Variants in BIN2 observed in about 807,000 individuals in gnomAD.
The protein encoded by BIN2 is breast cancer associated protein BRAP1.
In BIN2, 43 loss-of-function variants were observed where a neutral mutation model predicts 67.9. That is an observed-to-expected ratio of 0.63 (90% CI 0.50 to 0.82). The LOEUF is 0.82. BIN2 is among the 40% of genes least tolerant of loss of function. The pLI is 0.00. For missense variants in BIN2, 581 were observed against 671.6 expected (o/e 0.87, Z 1.49); for synonymous variants, 244 against 246.8 (o/e 0.99, Z 0.11).
chr12:51,291,530 G>A (rs1945378418), intron 10 of BIN2, 61 bp downstream of exon 10: 1 of 1,483,144 alleles, frequency 6.7e-7, no homozygotes, highest in African/African-American at 1.4e-5. Flanking sequence ...ACGCCTGAGT[G>A]AGACCCTAGC....
intron 9 of BIN2, among the ~76,000 whole-genome samples, chr12:51,292,984 T>C (rs1945430233): frequency 6.6e-6 from 1 of 152,162 alleles, no homozygotes. Flanking sequence ...CATTCAGGCA[T>C]GAGTTACAAT....
At chr12:51,299,787 A>T in intron 5 of BIN2, 73 bp from the exon 6 acceptor site, 1 of 1,252,362 alleles carries the variant, frequency 8.0e-7, no homozygotes, top group Non-Finnish European at 1.2e-6. Context: ...CAGAATACCA[A>T]ACAGAGAGCA....
At position 51,284,734 on chromosome 12, in the gene BIN2, T is replaced by G; in HGVS notation, c.1650A>C (p.Ala550=). ...SMVPENNNLT[A]PEPQEEVSTS... is the part of the protein sequence containing the mutation. ...GTCTTACCTCTTCTTGAGGTTCAGG[T>G]GCTGTGAGGTTGTTGTTTTCTGGTA... Residue 550 remains alanine (A), a synonymous_variant, in exon 12 of 13, where the codon GCA becomes GCC. Coordinates refer to ENST00000615107, the MANE Select transcript of BIN2 (RefSeq NM_016293.4). The G allele has an allele frequency of 6.2e-7, 1 of 1,612,574 alleles. No homozygotes were observed. Among genetic ancestry groups the G allele is most frequent in the Non-Finnish European group, 8.5e-7 (1 of 1,178,664 alleles).
intron 5 of BIN2, among the ~76,000 whole-genome samples, chr12:51,301,237 C>T (rs1318770139): frequency 6.6e-6 from 1 of 151,502 alleles, no homozygotes; most frequent in Admixed American, 6.6e-5. Context: ...AAAACAAAAA[C>T]AAAAACAAAA....
rs1592262319 is a variant in BIN2 at position 51,297,192 on chromosome 12, T to G, written c.603-28A>C. The G allele has an allele frequency of 3.1e-6, 5 of 1,588,170 alleles. No individual in the cohort carries two copies. In the East Asian group the frequency reaches 1.1e-4, roughly 35 times the overall value. ...ATTAGGAAGCAAAACCACAAACACA[T>G]ACGAGTAAGGCATGGGAAAGGAGTT... On this transcript the variant is annotated intron_variant, in intron 7 of 12. Coordinates refer to ENST00000615107, the MANE Select transcript of BIN2 (RefSeq NM_016293.4).
chr12:51,322,644 C>T (rs1323720121), intron 1 of BIN2: 1 of 151,894 alleles, frequency 6.6e-6, no homozygotes, highest in African/African-American at 2.4e-5. Context: ...GCCTTCTCTC[C>T]AGTACCTCCT....
At chr12:51,283,322 C>T (rs1945160478) in intron 12 of BIN2, among the ~76,000 whole-genome samples, 1 of 151,168 alleles carries the variant, frequency 6.6e-6, no homozygotes, top group Non-Finnish European at 1.5e-5. Context: ...TGTAAAACAG[C>T]CTCAAGTAGA....
chr12:51,288,133 T>C lies in BIN2; in HGVS notation c.1571A>G (p.Lys524Arg), dbSNP rs1213974652. The change falls in exon 11 of 13, where the codon AAG becomes AGG. Residue 524 changes from lysine to arginine, a missense_variant. By Grantham distance (26) the Lys-to-Arg change is conservative (BLOSUM62 2). Transcript: ENST00000615107. ...CTCCGAGGAGTTAGCTGAGATAAGC[T>C]TATTATCCTTTTCCTTGTCTTCCAT... The part of the protein sequence containing the change: ...KKMEDKEKDN[K>R]LISANSSEGQ... The C allele has an allele frequency of 6.2e-7, 1 of 1,613,886 alleles. No homozygotes were observed. The highest frequency in any genetic ancestry group is 1.7e-5 in the Admixed American group (1 of 60,014).
chr12:51,303,034 C>T (rs576677906), intron 3 of BIN2, 53 bp downstream of exon 3: 2 of 1,582,726 alleles, frequency 1.3e-6, no homozygotes, highest in Non-Finnish European at 1.7e-6. Context: ...CACCCCAAAC[C>T]TCCTAGTAGC....
At chr12:51,290,811 T>C (rs1044471109) in intron 10 of BIN2, among the ~76,000 whole-genome samples, 1 of 152,122 alleles carries the variant, frequency 6.6e-6, no homozygotes, top group Non-Finnish European at 1.5e-5. Context: ...CCGGCACCCG[T>C]AGTCCCAGCT....
chr12:51,289,967 T>C (rs973540758), intron 10 of BIN2, among the ~76,000 whole-genome samples: 1 of 151,994 alleles, frequency 6.6e-6, no homozygotes, highest in Non-Finnish European at 1.5e-5. Context: ...CTATTTACCA[T>C]AGTCACAGGT....
chr12:51,310,685 A>G (rs143363594), intron 2 of BIN2, among the ~76,000 whole-genome samples: 1 of 152,334 alleles, frequency 6.6e-6, no homozygotes, highest in African/African-American at 2.4e-5. Context: ...TACATAGCAA[A>G]GTAATTGTAA....
intron 2 of BIN2, among the ~76,000 whole-genome samples, chr12:51,309,635 C>T (rs1490514812): frequency 2.6e-5 from 4 of 152,108 alleles, no homozygotes; most frequent in Non-Finnish European, 5.9e-5. Flanking sequence ...TTCAGCCTCC[C>T]AAAGTGTTGG....
At chr12:51,283,716 CG>C (rs1945170900) in intron 12 of BIN2, among the ~76,000 whole-genome samples, 1 of 151,754 alleles carries the variant, frequency 6.6e-6, no homozygotes. Flanking sequence ...ATTTTTTGGC[CG>C]GGTGTGGTGG....
intron 3 of BIN2, 75 bp downstream of exon 3, chr12:51,303,012 G>T: frequency 6.7e-7 from 1 of 1,497,890 alleles, no homozygotes; most frequent in Non-Finnish European, 9.3e-7. Flanking sequence ...TGGGGGTATG[G>T]CTATTGTTTT....
At position 51,302,697 on chromosome 12, in the gene BIN2, C is replaced by T; in HGVS notation, c.301G>A (p.Ala101Thr). Reference protein sequence around the residue: ...SEWDGHEELKAIVWNNDLLWE... With the variant: ...SEWDGHEELKTIVWNNDLLWE... ...CAAGCCACTCTTACCCATACGATGG[C>T]CTTCAGCTCCTCATGACCGTCCCAC... is the stretch of plus-strand genomic sequence containing the variant. The change falls in exon 4 of 13, where the codon GCC (alanine) becomes ACC (threonine). Residue 101 changes from alanine (A) to threonine (T), a missense_variant. Transcript: ENST00000615107. 2.5e-6 allele frequency: 4 copies of T among 1,613,826 alleles called. No homozygotes were observed. Among genetic ancestry groups the T allele is most frequent in the South Asian group, 1.1e-5 (1 of 91,074 alleles).
intron 1 of BIN2, chr12:51,322,595 TTGTC>T (rs1020267949): frequency 3.2e-5 from 4 of 123,848 alleles, no homozygotes; most frequent in African/African-American, 1.2e-4. Flanking sequence ...CATGAGTGTT[TTGTC>T]TTTTAGGGTT....
At chr12:51,315,144 A>AGGCT (rs1946088670) in intron 1 of BIN2, among the ~76,000 whole-genome samples, 1 of 151,394 alleles carries the variant, frequency 6.6e-6, no homozygotes, top group Non-Finnish European at 1.5e-5. Context: ...ATGAGCCATT[A>AGGCT]GGCTGGCTGG....
chr12:51,286,458 A>G (rs1309970856), intron 11 of BIN2, among the ~76,000 whole-genome samples: 1 of 152,156 alleles, frequency 6.6e-6, no homozygotes, highest in Non-Finnish European at 1.5e-5. Flanking sequence ...TTTTCCAGGG[A>G]GGACAGTGTT....
Sources: allele counts gnomAD v4.1 joint callset (sites outside exome capture counted in the v4.1 genomes callset), GRCh38; gene constraint gnomAD v4.1.1; transcripts MANE v1.5; gene names NCBI Gene and HGNC (gene_info 2026-07-23, HGNC 2026-07-21).